PXDNL: variants seen among roughly 807,000 people sequenced by gnomAD.
PXDNL encodes the protein peroxidasin like, also known as probable oxidoreductase PXDNL.
In PXDNL, 145 loss-of-function variants were observed where a neutral mutation model predicts 150.8. That is an observed-to-expected ratio of 0.96 (90% CI 0.84 to 1.10). The LOEUF is 1.10. Among genes scored for constraint, PXDNL ranks in the 50% least tolerant of loss-of-function variants. The probability of loss-of-function intolerance (pLI) is 0.00; values close to 1 mark genes in which losing one functional copy is unlikely to be tolerated. For synonymous variants in PXDNL, 757 were observed against 725.7 expected (o/e 1.04, Z -0.69); for missense variants, 2,087 against 1,873.9 (o/e 1.11, Z -2.10).
At position 51,550,737 on chromosome 8, in the gene PXDNL, C is replaced by T. The variant is rs141145110; in HGVS notation, c.380+6103G>A. ...CACAGCCAACATTATACTGAAAGCA[C>T]TACCCCTGAGAACTGGAACAAGACA... On this transcript the variant is annotated intron_variant, in intron 4 of 22. Transcript: ENST00000356297. Among the ~76,000 whole-genome samples, 1,022 of 151,370 alleles carry T rather than the reference C, an allele frequency of 6.8e-3. 6 individuals carry two copies. The highest frequency in any genetic ancestry group is 0.013 in the Admixed American group (193 of 15,218).
intron 2 of PXDNL, among the ~76,000 whole-genome samples, chr8:51,622,284 C>T (rs1814275341): frequency 6.6e-6 from 1 of 152,096 alleles, no homozygotes; most frequent in Admixed American, 6.5e-5. Flanking sequence ...TCCCCAGAGC[C>T]TCTGGGTGAG....
chr8:51,357,241 T>C (rs945238727), intron 19 of PXDNL, among the ~76,000 whole-genome samples: 1 of 152,232 alleles, frequency 6.6e-6, no homozygotes, highest in African/African-American at 2.4e-5. Flanking sequence ...ATAAGTATAC[T>C]GGTTTTCTCC....
chr8:51,668,524 G>A (rs974401569), intron 1 of PXDNL, among the ~76,000 whole-genome samples: 1 of 152,074 alleles, frequency 6.6e-6, no homozygotes, highest in Non-Finnish European at 1.5e-5. Flanking sequence ...AAGGCTAAAA[G>A]GAGAAAAGCA....
At position 51,472,368 on chromosome 8, in the gene PXDNL, G is replaced by A. The variant is rs114437879; in HGVS notation, c.695-64C>T. 493 of 1,238,088 alleles carry A rather than the reference G, an allele frequency of 4.0e-4. 4 individuals carry two copies. In the African/African-American group the frequency reaches 6.7e-3, roughly 17 times the overall value. 76.7% of individuals were successfully genotyped at this position (1,238,088 alleles called of 1,614,324 possible). ...CAAAATTATGGCCTTCCAAGATGCT[G>A]AGAAAGAGATATAGGCAATTTAAAT... On this transcript the variant is annotated intron_variant, in intron 7 of 22. Transcript: ENST00000356297.
chr8:51,579,170 A>G (rs982978440), intron 3 of PXDNL, among the ~76,000 whole-genome samples: 3 of 152,064 alleles, frequency 2.0e-5, no homozygotes, highest in African/African-American at 7.2e-5. Context: ...ACTAAAAGTA[A>G]GTTACAGACT....
intron 1 of PXDNL, among the ~76,000 whole-genome samples, chr8:51,739,112 C>T (rs564789753): frequency 6.6e-6 from 1 of 152,106 alleles, no homozygotes; most frequent in Admixed American, 6.5e-5. Context: ...ACCACTATAA[C>T]CAAATCACAG....
At chr8:51,553,202 A>T (rs1392143907) in intron 4 of PXDNL, among the ~76,000 whole-genome samples, 2 of 152,084 alleles carry the variant, frequency 1.3e-5, no homozygotes, top group African/African-American at 4.8e-5. Context: ...GGCTCAGCAC[A>T]CCCAAAGCTC....
intron 3 of PXDNL, among the ~76,000 whole-genome samples, chr8:51,558,095 G>C (rs1182926878): frequency 6.6e-6 from 1 of 152,094 alleles, no homozygotes; most frequent in Non-Finnish European, 1.5e-5. Flanking sequence ...TTTATAAGAA[G>C]CATTGAGAAG....
intron 5 of PXDNL, among the ~76,000 whole-genome samples, chr8:51,494,291 G>C (rs553183047): frequency 2.0e-5 from 3 of 152,144 alleles, no homozygotes; most frequent in African/African-American, 7.2e-5. Flanking sequence ...CACTAAACAT[G>C]GAAAGGAACA....
chr8:51,413,373 A>G, intron 14 of PXDNL, 115 bp from the exon 15 acceptor site: 1 of 633,606 alleles, frequency 1.6e-6, no homozygotes, highest in Non-Finnish European at 2.8e-6. Flanking sequence ...AAAACCTCTA[A>G]GACAATGAAA....
At chr8:51,602,031 A>C (rs1813734191) in intron 2 of PXDNL, among the ~76,000 whole-genome samples, 1 of 151,888 alleles carries the variant, frequency 6.6e-6, no homozygotes, top group African/African-American at 2.4e-5. Context: ...CTTTTCTTTA[A>C]GAATGATGAA....
At chr8:51,347,579 T>A (rs1005435343) in intron 19 of PXDNL, among the ~76,000 whole-genome samples, 6 of 152,200 alleles carry the variant, frequency 3.9e-5, no homozygotes, top group Non-Finnish European at 5.9e-5. Flanking sequence ...CAAACACAGT[T>A]CACTGAAGAA....
At chr8:51,691,796 A>G (rs1816005494) in intron 1 of PXDNL, among the ~76,000 whole-genome samples, 1 of 152,160 alleles carries the variant, frequency 6.6e-6, no homozygotes, top group Non-Finnish European at 1.5e-5. Context: ...GTTATTTTTC[A>G]GAACACTTAT....
chr8:51,717,823 A>C (rs537452876), intron 1 of PXDNL, among the ~76,000 whole-genome samples: 24 of 152,282 alleles, frequency 1.6e-4, no homozygotes, highest in African/African-American at 5.3e-4. Flanking sequence ...ACCCTGCAGG[A>C]TTCTGTTGGC....
chr8:51,395,554 G>C (rs1013872124), intron 17 of PXDNL, among the ~76,000 whole-genome samples: 1 of 152,066 alleles, frequency 6.6e-6, no homozygotes, highest in Non-Finnish European at 1.5e-5. Context: ...TGAGACAAAA[G>C]AAACAACCAA....
chr8:51,606,863 A>T (rs1813846179), intron 2 of PXDNL, among the ~76,000 whole-genome samples: 1 of 152,162 alleles, frequency 6.6e-6, no homozygotes, highest in African/African-American at 2.4e-5. Flanking sequence ...CTAACTACAT[A>T]TCAAGTGCTC....
intron 4 of PXDNL, among the ~76,000 whole-genome samples, chr8:51,526,955 G>T (rs573426425): frequency 3.9e-5 from 6 of 152,118 alleles, no homozygotes; most frequent in Non-Finnish European, 8.8e-5. Context: ...TCATTCACCT[G>T]GTCAACCATG....
intron 2 of PXDNL, among the ~76,000 whole-genome samples, chr8:51,631,590 A>C (rs1814489501): frequency 6.6e-6 from 1 of 152,202 alleles, no homozygotes; most frequent in Admixed American, 6.5e-5. Flanking sequence ...AATACAGAGA[A>C]GTGAAAATAT....
chr8:51,392,805 C>A (rs949158660), intron 17 of PXDNL, among the ~76,000 whole-genome samples: 1 of 152,178 alleles, frequency 6.6e-6, no homozygotes, highest in Non-Finnish European at 1.5e-5. Context: ...AGAGGGCATA[C>A]CTGTCTTGAA....
Sources: gnomAD v4.1 joint callset for allele counts (sites outside exome capture counted in the v4.1 genomes callset) on GRCh38, gnomAD v4.1.1 for gene constraint, MANE v1.5 for transcripts, NCBI Gene and HGNC (gene_info 2026-07-23, HGNC 2026-07-21) for gene names.